DCC: variants seen among roughly 807,000 people sequenced by gnomAD.
The protein encoded by DCC is DCC netrin 1 receptor, also known as netrin receptor DCC.
Under a neutral mutation model 172.5 loss-of-function variants are expected in DCC, and 58 were observed. The ratio of observed to expected loss-of-function variants is 0.34; its 90% CI spans 0.27 to 0.42. The LOEUF is 0.42. Among genes scored for constraint, DCC ranks in the 10% least tolerant of loss-of-function variants. DCC has a pLI of 1.00. For missense variants in DCC, 1,740 were observed against 1,791.0 expected (o/e 0.97, Z 0.51); for synonymous variants, 709 against 644.5 (o/e 1.10, Z -1.52).
chr18:52,614,796 A>G (rs1027656861), intron 1 of DCC, among the ~76,000 whole-genome samples: 3 of 152,154 alleles, frequency 2.0e-5, no homozygotes, highest in Admixed American at 6.5e-5. Flanking sequence ...GCATGATGGC[A>G]TATGTGTCTC....
intron 5 of DCC, among the ~76,000 whole-genome samples, chr18:52,961,144 G>A (rs143702444): frequency 0.014 from 2,057 of 152,198 alleles, 60 homozygotes; most frequent in African/African-American, 0.047. Flanking sequence ...CCTGTTGTGC[G>A]GTGGGGAGAG....
At chr18:53,387,334 T>G (rs755584394) in intron 16 of DCC, among the ~76,000 whole-genome samples, 10 of 152,204 alleles carry the variant, frequency 6.6e-5, no homozygotes, top group African/African-American at 1.4e-4. Context: ...TTTAGTAGTA[T>G]TATTTAAGGC....
At chr18:53,294,393 G>A (rs1169706017) in intron 12 of DCC, among the ~76,000 whole-genome samples, 1 of 152,208 alleles carries the variant, frequency 6.6e-6, no homozygotes, top group African/African-American at 2.4e-5. Flanking sequence ...CCAGAGAAGT[G>A]GAGTGGTAGA....
At chr18:53,386,261 C>T in intron 16 of DCC, 123 bp downstream of exon 16, 1 of 711,852 alleles carries the variant, frequency 1.4e-6, no homozygotes, top group Non-Finnish European at 2.5e-6. Context: ...TCTGATAATC[C>T]TCAGAGAATA....
intron 1 of DCC, among the ~76,000 whole-genome samples, chr18:52,602,217 C>G (rs980287846): frequency 6.6e-6 from 1 of 151,908 alleles, no homozygotes; most frequent in Non-Finnish European, 1.5e-5. Flanking sequence ...CTTTGGTTAC[C>G]AGAATGCTTT....
intron 7 of DCC, among the ~76,000 whole-genome samples, chr18:53,111,755 T>C (rs2043335993): frequency 6.6e-6 from 1 of 151,712 alleles, no homozygotes; most frequent in African/African-American, 2.4e-5. Flanking sequence ...CTGTTGGAAT[T>C]AATTGAATAA....
intron 25 of DCC, among the ~76,000 whole-genome samples, chr18:53,485,515 C>T (rs924007871): frequency 5.9e-5 from 9 of 152,006 alleles, no homozygotes; most frequent in Non-Finnish European, 1.0e-4. Flanking sequence ...ATCATTTAAT[C>T]TGATTAGCAG....
chr18:52,883,316 T>G (rs1344746048), intron 2 of DCC, among the ~76,000 whole-genome samples: 2 of 118,978 alleles, frequency 1.7e-5, no homozygotes, highest in Non-Finnish European at 3.9e-5. Context: ...TGTTTTATTT[T>G]TATTTTATTT....
intron 27 of DCC, among the ~76,000 whole-genome samples, chr18:53,525,738 A>C (rs992471384): frequency 6.6e-6 from 1 of 152,128 alleles, no homozygotes; most frequent in African/African-American, 2.4e-5. Context: ...CTCTCGTGAT[A>C]GAAGAGAACT....
At chr18:52,816,539 A>T (rs1330900833) in intron 2 of DCC, 1 of 140,550 alleles carries the variant, frequency 7.1e-6, no homozygotes, top group Non-Finnish European at 1.5e-5. Flanking sequence ...TAAAGATAAC[A>T]TTAAGAACCT....
At chr18:52,723,795 G>A (rs1450503626) in intron 1 of DCC, among the ~76,000 whole-genome samples, 2 of 152,158 alleles carry the variant, frequency 1.3e-5, no homozygotes, top group African/African-American at 4.8e-5. Context: ...AGGCAATGCT[G>A]AAAACCCAAA....
chr18:53,410,606 G>T lies in DCC; in HGVS notation c.3090G>T (p.Val1030=). The change falls in exon 20 of 29, where the codon GTG becomes GTT. Residue 1030 remains valine, a synonymous_variant. Coordinates refer to ENST00000442544, the MANE Select transcript of DCC (RefSeq NM_005215.4). The part of the protein sequence containing the change: ...FRIQARNSKG[V]GPLSDPILFR... ...TTCAAGCACGAAATTCAAAAGGAGT[G>T]GGGCCACTCTCTGATCCTATCCTCT... 6.2e-7 allele frequency: 1 copy of T among 1,610,270 alleles called. No homozygotes were observed. The highest frequency in any genetic ancestry group is 8.5e-7 in the Non-Finnish European group (1 of 1,176,534).
intron 7 of DCC, among the ~76,000 whole-genome samples, chr18:53,102,652 G>A (rs2043190136): frequency 6.6e-6 from 1 of 152,022 alleles, no homozygotes; most frequent in Non-Finnish European, 1.5e-5. Context: ...CTATTTTCCT[G>A]GTTTGTTCAA....
chr18:53,500,686 A>G (rs2046086187), intron 27 of DCC, among the ~76,000 whole-genome samples: 1 of 151,882 alleles, frequency 6.6e-6, no homozygotes, highest in African/African-American at 2.4e-5. Context: ...ACTCAGCTAC[A>G]CAGCCCCTGG....
At position 53,089,270 on chromosome 18, in the gene DCC, G is replaced by C. The variant is rs996359630; in HGVS notation, c.1261+23104G>C. Among the ~76,000 whole-genome samples, 5 of 152,028 alleles carry C rather than the reference G, an allele frequency of 3.3e-5. 1 individual carries two copies. The East Asian group carries it at 7.7e-4, about 24-fold the overall frequency. ...CCGGCTAATTTTTGTAATTTTAGTA[G>C]AGACAGGGTTTCACCTTGTTGGCCA... On this transcript the variant is annotated intron_variant, in intron 7 of 28. Coordinates refer to ENST00000442544, the MANE Select transcript of DCC (RefSeq NM_005215.4).
At chr18:53,239,081 T>C (rs1412016138) in intron 12 of DCC, among the ~76,000 whole-genome samples, 1 of 150,104 alleles carries the variant, frequency 6.7e-6, no homozygotes, top group African/African-American at 2.5e-5. Context: ...CATTAGGAGA[T>C]ATACCTAATG....
intron 27 of DCC, among the ~76,000 whole-genome samples, chr18:53,505,587 A>ATGAAACTGAAGTTAACTATATCAACC (rs2046162369): frequency 4.6e-5 from 7 of 152,242 alleles, no homozygotes; most frequent in African/African-American, 1.7e-4. Context: ...TAGACCATAT[A>ATGAAACTGAAGTTAACTATATCAACC]TGAAACTGAA....
At chr18:52,951,593 T>C (rs2040648757) in intron 5 of DCC, among the ~76,000 whole-genome samples, 2 of 152,184 alleles carry the variant, frequency 1.3e-5, no homozygotes, top group Admixed American at 1.3e-4. Context: ...TTCATCCATG[T>C]CCCTGCAAAG....
intron 2 of DCC, among the ~76,000 whole-genome samples, chr18:52,858,127 G>A (rs549324653): frequency 6.6e-6 from 1 of 152,320 alleles, no homozygotes; most frequent in African/African-American, 2.4e-5. Flanking sequence ...TGTTCATGCA[G>A]TAGTTGACAT....
Sources: allele counts gnomAD v4.1 joint callset (sites outside exome capture counted in the v4.1 genomes callset), GRCh38; gene constraint gnomAD v4.1.1; transcripts MANE v1.5; gene names NCBI Gene and HGNC (gene_info 2026-07-23, HGNC 2026-07-21).